The following MCPH1 variants were observed in gnomAD, a reference collection of about 807,000 sequenced individuals.
The protein encoded by MCPH1 is microcephalin.
Under a neutral mutation model 84.5 loss-of-function variants are expected in MCPH1, and 104 were observed. The ratio of observed to expected loss-of-function variants is 1.23; its 90% CI spans 1.05 to 1.45. The LOEUF is 1.45. MCPH1 is among the 40% of genes most tolerant of loss of function. MCPH1 has a pLI of 0.00. For missense variants in MCPH1, 1,498 were observed against 1,005.7 expected (o/e 1.49, Z -6.62); for synonymous variants, 514 against 366.8 (o/e 1.40, Z -4.58).
Position 6,444,787 on chromosome 8 carries a change from G to A in MCPH1, c.1065G>A (p.Lys355=), listed in dbSNP as rs200976069. ...IHSRPRSSSV[K]RKRVSHGSHS... is the part of the protein sequence containing the mutation. ...CAAGACCCAGGAGTTCCTCAGTAAAGAGAAAAAGAGTATCACATGGCTCCC... is the reference window on the plus strand; with the variant it reads ...CAAGACCCAGGAGTTCCTCAGTAAAAAGAAAAAGAGTATCACATGGCTCCC... The change falls in exon 8 of 14, where the codon AAG becomes AAA. Residue 355 remains lysine, a synonymous_variant. Transcript: ENST00000344683. 11 of 1,613,858 alleles carry A rather than the reference G, an allele frequency of 6.8e-6. No homozygotes were observed. The highest frequency in any genetic ancestry group is 1.1e-5 in the South Asian group (1 of 91,072).
chr8:6,563,621 A>G (rs893516128), intron 12 of MCPH1, among the ~76,000 whole-genome samples: 2 of 152,266 alleles, frequency 1.3e-5, no homozygotes, highest in Non-Finnish European at 2.9e-5. Flanking sequence ...TCCTTTAGGA[A>G]TAAAAATATT....
chr8:6,631,548 T>C (rs1157750083), intron 13 of MCPH1, among the ~76,000 whole-genome samples: 2 of 151,038 alleles, frequency 1.3e-5, no homozygotes, highest in Admixed American at 6.6e-5. Context: ...AAATGTCCAA[T>C]AGGCAAATGA....
chr8:6,542,464 C>T (rs559198495), intron 12 of MCPH1, among the ~76,000 whole-genome samples: 63 of 152,128 alleles, frequency 4.1e-4, no homozygotes, highest in African/African-American at 1.4e-3. Context: ...GTAATATTGT[C>T]GGAGTGTCAC....
intron 12 of MCPH1, among the ~76,000 whole-genome samples, chr8:6,605,266 A>G (rs566478053): frequency 4.5e-4 from 69 of 152,176 alleles, no homozygotes; most frequent in African/African-American, 1.5e-3. Context: ...CCTTCCTGAG[A>G]GCTTGTCACT....
intron 12 of MCPH1, among the ~76,000 whole-genome samples, chr8:6,532,124 T>A (rs955260820): frequency 1.3e-5 from 2 of 152,190 alleles, no homozygotes; most frequent in African/African-American, 4.8e-5. Flanking sequence ...CACATGAAAT[T>A]TAACCTCAGT....
At chr8:6,575,660 C>A (rs773278048) in intron 12 of MCPH1, among the ~76,000 whole-genome samples, 1 of 152,196 alleles carries the variant, frequency 6.6e-6, no homozygotes, top group Admixed American at 6.5e-5. Flanking sequence ...ACGTGACCGT[C>A]TTCGGAAGTA....
At chr8:6,437,042 TGTC>T (rs1473896467) in intron 5 of MCPH1, among the ~76,000 whole-genome samples, 5 of 152,130 alleles carry the variant, frequency 3.3e-5, no homozygotes, top group African/African-American at 4.8e-5. Flanking sequence ...CCTTTTTCAC[TGTC>T]GTCTAAAGTC....
chr8:6,537,567 C>A (rs541432338), intron 12 of MCPH1, among the ~76,000 whole-genome samples: 1 of 150,780 alleles, frequency 6.6e-6, no homozygotes, highest in African/African-American at 2.4e-5. Flanking sequence ...TATATGTTTA[C>A]ATTAATATAT....
chr8:6,483,598 C>A (rs529856273), intron 11 of MCPH1, among the ~76,000 whole-genome samples: 1 of 152,304 alleles, frequency 6.6e-6, no homozygotes, highest in African/African-American at 2.4e-5. Flanking sequence ...GTTGGACATA[C>A]ACAATCAAGA....
At chr8:6,472,848 T>C (rs1200159863) in intron 9 of MCPH1, among the ~76,000 whole-genome samples, 1 of 152,214 alleles carries the variant, frequency 6.6e-6, no homozygotes, top group East Asian at 1.9e-4. Context: ...CAAGAAATTT[T>C]GAATACCTGA....
chr8:6,433,339 G>T lies in MCPH1; in HGVS notation c.321+1753G>T, dbSNP rs1042602343. Among the ~76,000 whole-genome samples the T allele has an allele frequency of 9.9e-5, 15 of 152,072 alleles. 1 individual carries two copies. Among genetic ancestry groups the T allele is most frequent in the African/African-American group, 3.6e-4 (15 of 41,406 alleles). ...CAGCTCCACCAATCATATACAAGAT[G>T]ACCTATTTCTTGGCCAGATACAGTG... On this transcript the variant is annotated intron_variant, in intron 4 of 13. Coordinates refer to ENST00000344683, the MANE Select transcript of MCPH1 (RefSeq NM_024596.5).
chr8:6,613,397 G>A (rs1222352229), intron 12 of MCPH1, among the ~76,000 whole-genome samples: 1 of 152,172 alleles, frequency 6.6e-6, no homozygotes, highest in Admixed American at 6.5e-5. Context: ...AATTTAACCC[G>A]GGTTGTGGTT....
chr8:6,525,250 T>C (rs572018586), intron 12 of MCPH1, among the ~76,000 whole-genome samples: 56 of 152,314 alleles, frequency 3.7e-4, no homozygotes, highest in Middle Eastern at 3.4e-3. Context: ...AGCCCCCTGA[T>C]CGTTGTAAAT....
chr8:6,587,063 G>A (rs553506267), intron 12 of MCPH1, among the ~76,000 whole-genome samples: 109 of 152,120 alleles, frequency 7.2e-4, no homozygotes, highest in Admixed American at 2.2e-3. Context: ...TCCACTTCTC[G>A]GTGTTGGAAA....
chr8:6,488,612 G>A (rs1375413563), intron 11 of MCPH1, among the ~76,000 whole-genome samples: 2 of 152,122 alleles, frequency 1.3e-5, no homozygotes, highest in African/African-American at 2.4e-5. Flanking sequence ...GGCAGTGCCC[G>A]GGTCCTAAGG....
In MCPH1 at chr8:6,466,139, T is replaced by A. The variant is rs1405378667; in HGVS notation, c.1935+10887T>A. Among the ~76,000 whole-genome samples, 31 of 143,498 alleles carry A rather than the reference T, an allele frequency of 2.2e-4. No individual in the cohort carries two copies. The East Asian group carries it at 5.5e-3, about 25-fold the overall frequency. The allele number at this position is 143,498 out of a possible 152,430, so 94.1% of individuals were successfully genotyped here. ...CTGGCTAATTTTTGGATTTTTTTTTTTTTTTTTTTTTTTCCTGAGACAGAG... is the reference window on the plus strand; with the variant it reads ...CTGGCTAATTTTTGGATTTTTTTTTATTTTTTTTTTTTTCCTGAGACAGAG... On this transcript the variant is annotated intron_variant, in intron 9 of 13. Transcript: ENST00000344683.
intron 12 of MCPH1, among the ~76,000 whole-genome samples, chr8:6,557,713 A>ACT (rs1409706654): frequency 6.6e-5 from 10 of 150,912 alleles, no homozygotes; most frequent in Non-Finnish European, 8.8e-5. Context: ...ACACACACAC[A>ACT]CATACATATA....
rs759961421 is a variant in MCPH1 at position 6,642,986 on chromosome 8, C to G, written c.2453-8C>G. The G allele has an allele frequency of 1.9e-6, 3 of 1,613,854 alleles. No individual in the cohort carries two copies. The highest frequency in any genetic ancestry group is 2.2e-5 in the East Asian group (1 of 44,886). ...TGAATGCTAAACTGCTTTTCGCTCT[C>G]TCTCTAGATTCCATCACCCAGCACA... On this transcript the variant is annotated splice_polypyrimidine_tract_variant and splice_region_variant and intron_variant, in intron 13 of 13. Coordinates refer to ENST00000344683, the MANE Select transcript of MCPH1 (RefSeq NM_024596.5).
intron 12 of MCPH1, chr8:6,527,497 C>T: frequency 7.0e-6 from 11 of 1,580,232 alleles, no homozygotes; most frequent in Non-Finnish European, 8.6e-6. Flanking sequence ...TTGAGACCGA[C>T]TTTCATATCT....
Sources: gnomAD v4.1 joint callset for allele counts (sites outside exome capture counted in the v4.1 genomes callset) on GRCh38, gnomAD v4.1.1 for gene constraint, MANE v1.5 for transcripts, NCBI Gene and HGNC (gene_info 2026-07-23, HGNC 2026-07-21) for gene names.